SGSM2: variants seen among roughly 807,000 people sequenced by gnomAD.
SGSM2 encodes the protein small G protein signaling modulator 2.
A neutral mutation model predicts 126.6 loss-of-function variants in SGSM2; 89 were observed. The ratio of observed to expected loss-of-function variants is 0.70; its 90% CI spans 0.59 to 0.84. SGSM2 has a LOEUF of 0.84. SGSM2 is among the 40% of genes least tolerant of loss of function. The probability of loss-of-function intolerance (pLI) is 0.00; values close to 1 mark genes in which losing one functional copy is unlikely to be tolerated. For missense variants in SGSM2, 1,404 were observed against 1,416.6 expected, an observed-to-expected ratio of 0.99 and a Z score of 0.14; for synonymous variants, 614 against 574.3, an observed-to-expected ratio of 1.07 and a Z score of -0.99.
chr17:2,379,022 C>T lies in SGSM2; in HGVS notation c.2900-14C>T, dbSNP rs373644264. 6.2e-7 allele frequency: 1 copy of T among 1,610,606 alleles called. No homozygotes were observed. ...GGCTAGGACGGGTGAGCAGCAGCCG[C>T]TTACTCTCCGCAGAACTGCTGTATG... On this transcript the variant is annotated splice_polypyrimidine_tract_variant and intron_variant, in intron 22 of 23. Transcript: ENST00000268989.
Position 2,377,964 on chromosome 17 carries a change from G to A in SGSM2, c.2899+11G>A, listed in dbSNP as rs781364524. ...TGGATTTTAAGAGAGGTAAGAAGTG[G>A]GTTGGATCATGGGGCTGAGGTCAGG... is the stretch of plus-strand genomic sequence containing the variant. On this transcript the variant is annotated intron_variant, in intron 22 of 23. Transcript: ENST00000268989. 1 of 1,567,260 alleles carries A rather than the reference G, an allele frequency of 6.4e-7. No homozygotes were observed. Among genetic ancestry groups the A allele is most frequent in the Non-Finnish European group, 8.8e-7 (1 of 1,137,934 alleles).
Position 2,367,106 on chromosome 17 carries a change from A to T in SGSM2, c.1289-165A>T. 1 of 783,452 alleles carries T rather than the reference A, an allele frequency of 1.3e-6. No homozygotes were observed. The highest frequency in any genetic ancestry group is 2.0e-6 in the Non-Finnish European group (1 of 510,196). 48.5% of individuals were successfully genotyped at this position (783,452 alleles called of 1,614,324 possible). ...CCCTCGCCTCCTTCCACACTCTCCC[A>T]GGAAAATCATCCAAAGAGCTTTCTG... is the stretch of plus-strand genomic sequence containing the variant. On this transcript the variant is annotated intron_variant, in intron 11 of 23. Coordinates refer to ENST00000268989, the MANE Select transcript of SGSM2 (RefSeq NM_014853.3). The surrounding 1 kb of genome is among the most constrained non-coding windows in gnomAD (Gnocchi z 4.0).
chr17:2,353,725 CACTGCAGTCCAGCCTGGGTGACAG>C, intron 2 of SGSM2, among the ~76,000 whole-genome samples: 1 of 151,734 alleles, frequency 6.6e-6, no homozygotes, highest in East Asian at 1.9e-4. Context: ...AGATTGTGCC[CACTGCAGTCCAGCCTGGGTGACAG>C]ACTGAGACTC....
At chr17:2,344,644 A>T (rs974988273) in intron 2 of SGSM2, among the ~76,000 whole-genome samples, 1 of 152,226 alleles carries the variant, frequency 6.6e-6, no homozygotes, top group Middle Eastern at 3.2e-3. Flanking sequence ...GGAGACAGAC[A>T]GGAAACAAAT....
chr17:2,345,227 T>A (rs2064541651), intron 2 of SGSM2, among the ~76,000 whole-genome samples: 2 of 151,756 alleles, frequency 1.3e-5, no homozygotes, highest in South Asian at 4.2e-4. Flanking sequence ...CTTTGGGAGG[T>A]GAGGCAGGTG....
chr17:2,378,582 C>A (rs1597401131), intron 22 of SGSM2, among the ~76,000 whole-genome samples: 1 of 152,076 alleles, frequency 6.6e-6, no homozygotes, highest in African/African-American at 2.4e-5. Flanking sequence ...ACAAAATTTC[C>A]ATAGGTGATT....
intron 22 of SGSM2, among the ~76,000 whole-genome samples, chr17:2,378,795 C>T (rs987642928): frequency 1.3e-5 from 2 of 152,188 alleles, no homozygotes; most frequent in Non-Finnish European, 2.9e-5. Flanking sequence ...ACAGAACCCC[C>T]ATTCCTGAGC....
chr17:2,375,256 G>A, intron 17 of SGSM2: 1 of 469,222 alleles, frequency 2.1e-6, no homozygotes, highest in Non-Finnish European at 3.8e-6. Context: ...ACCTGGGGCT[G>A]TTCCTTCAAG....
intron 11 of SGSM2, chr17:2,366,989 C>G: frequency 5.0e-6 from 2 of 400,146 alleles, no homozygotes; most frequent in South Asian, 4.0e-5. Flanking sequence ...CAGACAGTCC[C>G]GGTCTTTCAC....
At chr17:2,346,529 A>G (rs542382261) in intron 2 of SGSM2, among the ~76,000 whole-genome samples, 2 of 152,354 alleles carry the variant, frequency 1.3e-5, no homozygotes, top group African/African-American at 2.4e-5. Context: ...GGGAGGGGCA[A>G]GACTCCTAGG....
intron 12 of SGSM2, among the ~76,000 whole-genome samples, chr17:2,369,084 C>T (rs1017323275): frequency 6.6e-6 from 1 of 152,156 alleles, no homozygotes; most frequent in Non-Finnish European, 1.5e-5. Context: ...GCTTCTGGGC[C>T]CCTAATACTT....
chr17:2,357,526 T>G (rs1161764704), intron 2 of SGSM2, among the ~76,000 whole-genome samples: 1 of 152,200 alleles, frequency 6.6e-6, no homozygotes, highest in Non-Finnish European at 1.5e-5. Flanking sequence ...GATGGAGTTT[T>G]TGCTCTTGTC....
intron 1 of SGSM2, among the ~76,000 whole-genome samples, chr17:2,340,263 T>G (rs571867282): frequency 2.0e-5 from 3 of 151,922 alleles, no homozygotes; most frequent in Admixed American, 1.3e-4. Flanking sequence ...TACAGGCACA[T>G]GCCACCACAC....
chr17:2,378,392 A>G lies in SGSM2; in HGVS notation c.2899+439A>G, dbSNP rs1462395326. Among the ~76,000 whole-genome samples, 3 of 152,188 alleles carry G rather than the reference A, an allele frequency of 2.0e-5. No homozygotes were observed. The South Asian group carries it at 6.2e-4, about 32-fold the overall frequency. On this transcript the variant is annotated intron_variant, in intron 22 of 23. Coordinates refer to ENST00000268989, the MANE Select transcript of SGSM2 (RefSeq NM_014853.3). ...GGGGTTTGAGGCCAGCCTGGCCAAC[A>G]TGGTGAAACTCCGTCTCTACTAAAA...
intron 2 of SGSM2, among the ~76,000 whole-genome samples, chr17:2,352,474 G>T (rs1291207497): frequency 6.6e-6 from 1 of 152,146 alleles, no homozygotes; most frequent in African/African-American, 2.4e-5. Flanking sequence ...AGCCACACCT[G>T]CCAACTTGCT....
chr17:2,353,013 G>A (rs2064935101), intron 2 of SGSM2, among the ~76,000 whole-genome samples: 2 of 151,234 alleles, frequency 1.3e-5, no homozygotes, highest in African/African-American at 2.4e-5. Context: ...TCCTGACCTC[G>A]TGATCCACCC....
At chr17:2,365,589 C>T (rs1227517894) in intron 11 of SGSM2, among the ~76,000 whole-genome samples, 3 of 152,160 alleles carry the variant, frequency 2.0e-5, no homozygotes, top group African/African-American at 4.8e-5. Flanking sequence ...CAGACCTAGG[C>T]GTCACTACAC....
chr17:2,373,854 A>G, intron 17 of SGSM2: 1 of 254,736 alleles, frequency 3.9e-6, no homozygotes, highest in Non-Finnish European at 7.6e-6. Context: ...CAGATCCACT[A>G]CTGACAAGCT....
Position 2,372,634 on chromosome 17 carries a change from C to A in SGSM2, c.1788+146C>A. The A allele has an allele frequency of 8.4e-7, 1 of 1,191,170 alleles. No homozygotes were observed. Among genetic ancestry groups the A allele is most frequent in the Non-Finnish European group, 1.2e-6 (1 of 844,476 alleles). 73.8% of individuals were successfully genotyped at this position (1,191,170 alleles called of 1,614,324 possible). A position where few individuals can be genotyped will look rare whatever the true frequency, so the allele number is the denominator to read the frequency against. ...ACCAGGGTCCCGGCAGAATCTCTTGCAGCTGGGCCTGGGGCTGACACGGGA... is the reference window on the plus strand; with the variant it reads ...ACCAGGGTCCCGGCAGAATCTCTTGAAGCTGGGCCTGGGGCTGACACGGGA... On this transcript the variant is annotated intron_variant, in intron 15 of 23. Transcript: ENST00000268989. The surrounding 1 kb of genome is among the most constrained non-coding windows in gnomAD (Gnocchi z 6.0).
Sources: allele counts gnomAD v4.1 joint callset (sites outside exome capture counted in the v4.1 genomes callset), GRCh38; gene constraint gnomAD v4.1.1; non-coding constraint Gnocchi (gnomAD v3.1); transcripts MANE v1.5; gene names NCBI Gene and HGNC (gene_info 2026-07-23, HGNC 2026-07-21).